The following CCDC88B variants were observed in gnomAD, a reference collection of about 807,000 sequenced individuals.
The protein encoded by CCDC88B is coiled-coil and HOOK domain protein 88B.
CCDC88B carries 138 observed loss-of-function variants against 183.7 expected under a neutral mutation model. The ratio of observed to expected loss-of-function variants is 0.75; its 90% CI spans 0.65 to 0.87. The LOEUF is 0.87. Among genes scored for constraint, CCDC88B ranks in the 40% least tolerant of loss-of-function variants. The pLI is 0.00. For synonymous variants in CCDC88B, 835 were observed against 867.5 expected, an observed-to-expected ratio of 0.96 and a Z score of 0.66; for missense variants, 1,822 against 1,965.6, an observed-to-expected ratio of 0.93 and a Z score of 1.38.
rs748122614 is a variant in CCDC88B at position 64,349,590 on chromosome 11, G to A, written c.2784G>A (p.Gln928=). 4.4e-6 allele frequency: 7 copies of A among 1,601,206 alleles called. No individual in the cohort carries two copies. In the African/African-American group the frequency reaches 5.3e-5, roughly 12 times the overall value. ...GLEQRLEAEL[Q]AAATSKEEAL... ...AGCAGCGGCTGGAAGCTGAGCTGCA[G>A]GCGGCGGCGACCAGCAAGGAGGAGG... The change falls in exon 16 of 27, where the codon CAG becomes CAA. Residue 928 remains glutamine, a synonymous_variant. Coordinates refer to ENST00000356786, the MANE Select transcript of CCDC88B (RefSeq NM_032251.6).
chr11:64,352,623 C>T, intron 19 of CCDC88B, 121 bp from the exon 20 acceptor site: 1 of 1,472,494 alleles, frequency 6.8e-7, no homozygotes, highest in Non-Finnish European at 9.1e-7. Flanking sequence ...CCAATGGCTT[C>T]CTCTGGGGGA....
In CCDC88B at chr11:64,345,089, G is replaced by T; in HGVS notation, c.2548G>T (p.Glu850Ter). The T allele has an allele frequency of 6.4e-7, 1 of 1,551,448 alleles. No individual in the cohort carries two copies. ...EAAEERMQVL[E>*]SEGRQHLEEA... ...CGCCGAGGAACGGATGCAGGTGCTG[G>T]AGAGCGAGGGCCGCCAGCACTTGGA... Residue 850 changes from glutamate (E) to a stop codon, truncating the protein, a stop_gained, in exon 14 of 27, where the codon GAG (glutamate) becomes TAG (stop). Coordinates refer to ENST00000356786, the MANE Select transcript of CCDC88B (RefSeq NM_032251.6). LOFTEE classifies it high-confidence loss of function.
Position 64,351,186 on chromosome 11 carries a change from G to T in CCDC88B, c.2889G>T (p.Gly963=). 3.3e-6 allele frequency: 5 copies of T among 1,509,240 alleles called. No individual in the cohort carries two copies. Among genetic ancestry groups the T allele is most frequent in the Non-Finnish European group, 4.4e-6 (5 of 1,130,830 alleles). 93.5% of individuals were successfully genotyped at this position (1,509,240 alleles called of 1,614,324 possible). ...FQLRQGPAGL[G]PKKRAEPQLV... ...TGCGCCAGGGCCCCGCGGGGCTGGGGCCCAAAAAGCGTGCGGAGCCTCAGC... is the reference window on the plus strand; with the variant it reads ...TGCGCCAGGGCCCCGCGGGGCTGGGTCCCAAAAAGCGTGCGGAGCCTCAGC... Residue 963 remains glycine (G), a synonymous_variant, in exon 17 of 27, where the codon GGG becomes GGT. Transcript: ENST00000356786.
At position 64,343,602 on chromosome 11, in the gene CCDC88B, A is replaced by G; in HGVS notation, c.1305A>G (p.Gly435=). 1 of 1,551,448 alleles carries G rather than the reference A, an allele frequency of 6.4e-7. No individual in the cohort carries two copies. The highest frequency in any genetic ancestry group is 2.4e-5 in the East Asian group (1 of 40,960). Residue 435 remains glycine (G), a synonymous_variant, in exon 12 of 27, where the codon GGA becomes GGG. Transcript: ENST00000356786. ...AGCGGAGCTTGGAGCCACCTCCAGG[A>G]TCCCCTGGGGAGGGTGAGGGACCCC... is the stretch of plus-strand genomic sequence containing the variant. The part of the protein sequence containing the change: ...ELQRSLEPPP[G]SPGEAPLAGA...
At chr11:64,348,755 C>T in intron 14 of CCDC88B, 1 of 497,638 alleles carries the variant, frequency 2.0e-6, no homozygotes, top group Non-Finnish European at 3.6e-6. Flanking sequence ...CCCTCTGGGG[C>T]ACACAGGCCA....
chr11:64,351,343 C>T, intron 17 of CCDC88B, 88 bp downstream of exon 17: 1 of 1,506,414 alleles, frequency 6.6e-7, no homozygotes, highest in Non-Finnish European at 9.0e-7. Flanking sequence ...GGGGGGTATC[C>T]CGTGCAGTGT....
intron 3 of CCDC88B, 41 bp from the exon 4 acceptor site, chr11:64,341,068 T>C: frequency 6.2e-7 from 1 of 1,613,828 alleles, no homozygotes; most frequent in Non-Finnish European, 8.5e-7. Context: ...GAGGAGCCCC[T>C]TCGGGAAGGC....
rs1591274164 is a variant in CCDC88B at position 64,341,614 on chromosome 11, G to T, written c.547G>T (p.Ala183Ser). Reference protein sequence around the residue: ...AAIQEVTQPGAGVVLALSGPD... With the variant: ...AAIQEVTQPGSGVVLALSGPD... ...TGCGCCCCAGGTGACCCAGCCGGGG[G>T]CCGGCGTGGTGCTGGCACTGTCTGG... The change falls in exon 7 of 27, where the codon GCC (alanine) becomes TCC (serine). Residue 183 changes from alanine to serine, a missense_variant. Physicochemically the swap from Ala to Ser is moderately conservative, Grantham distance 99 (BLOSUM62 1). Transcript: ENST00000356786. The T allele has an allele frequency of 1.9e-6, 3 of 1,600,778 alleles. No individual in the cohort carries two copies. In the South Asian group the frequency reaches 3.4e-5, roughly 18 times the overall value.
chr11:64,349,915 C>T (rs1276890898), intron 16 of CCDC88B: 13 of 559,884 alleles, frequency 2.3e-5, no homozygotes, highest in East Asian at 1.5e-4. Flanking sequence ...ATGACTGCTC[C>T]GCCTGTCTCA....
At position 64,351,608 on chromosome 11, in the gene CCDC88B, C is replaced by T. The variant is rs1408292783; in HGVS notation, c.3091C>T (p.Arg1031Cys). 4.2e-5 allele frequency: 66 copies of T among 1,562,926 alleles called. No individual in the cohort carries two copies. The highest frequency in any genetic ancestry group is 5.2e-5 in the Non-Finnish European group (60 of 1,162,336). Residue 1031 changes from arginine (R) to cysteine (C), a missense_variant, in exon 18 of 27, where the codon CGC becomes TGC. Coordinates refer to ENST00000356786, the MANE Select transcript of CCDC88B (RefSeq NM_032251.6). ...QSQRAQEHSS[R>C]LQAEKSVLEI... ...CCAGCGGGCGCAGGAGCACAGCAGC[C>T]GCCTGCAGGTGGGTGGTGGCCCGGG...
At chr11:64,353,006 G>T in intron 20 of CCDC88B, 48 bp from the exon 21 acceptor site, 1 of 1,531,124 alleles carries the variant, frequency 6.5e-7, no homozygotes, top group Non-Finnish European at 8.8e-7. Flanking sequence ...CCAGCACTCG[G>T]ACTGGGGACC....
intron 14 of CCDC88B, among the ~76,000 whole-genome samples, chr11:64,347,417 T>C (rs1184591099): frequency 6.6e-6 from 1 of 152,262 alleles, no homozygotes; most frequent in African/African-American, 2.4e-5. Context: ...TGAGTCATCC[T>C]GCACAGGCAG....
chr11:64,341,208 C>G, intron 4 of CCDC88B, 30 bp downstream of exon 4: 1 of 1,614,104 alleles, frequency 6.2e-7, no homozygotes, highest in Non-Finnish European at 8.5e-7. Context: ...CCTCCTGCCT[C>G]TGCCCCCGCA....
intron 2 of CCDC88B, 27 bp downstream of exon 2, chr11:64,340,779 G>T: frequency 6.3e-7 from 1 of 1,588,032 alleles, no homozygotes. Context: ...CGGGGCGGTG[G>T]CGGGGAAGGA....
Position 64,344,138 on chromosome 11 carries a change from G to A in CCDC88B, c.1597G>A (p.Ala533Thr). The change falls in exon 14 of 27, where the codon GCT becomes ACT. Residue 533 changes from alanine to threonine, a missense_variant. Ala to Thr is a moderately conservative substitution (Grantham distance 58). Coordinates refer to ENST00000356786, the MANE Select transcript of CCDC88B (RefSeq NM_032251.6). This position sits in a 1 kb window ranked among gnomAD's most constrained non-coding sequence, Gnocchi z 4.5. ...TGGAGGCCCCCAGGCCTTGGACTTG[G>A]CTCCCCCGGCATTAGACTCAGTGCT... Reference protein sequence around the residue: ...RDGGPQALDLAPPALDSVLEA... With the variant: ...RDGGPQALDLTPPALDSVLEA... The A allele has an allele frequency of 6.2e-7, 1 of 1,613,192 alleles. No individual in the cohort carries two copies. Among genetic ancestry groups the A allele is most frequent in the South Asian group, 1.1e-5 (1 of 91,040 alleles).
chr11:64,343,798 C>A lies in CCDC88B; in HGVS notation c.1339C>A (p.Pro447Thr), dbSNP rs1000383749. 1.3e-6 allele frequency: 2 copies of A among 1,582,394 alleles called. No individual in the cohort carries two copies. The highest frequency in any genetic ancestry group is 1.7e-6 in the Non-Finnish European group (2 of 1,164,278). ...CTCAGCACCCCTAGCAGGAGCGGCC[C>A]CCTCGCTGCAAGATGAGGTGAGGGA... is the stretch of plus-strand genomic sequence containing the variant. Reference protein sequence around the residue: ...PGEAPLAGAAPSLQDEVREAE... With the variant: ...PGEAPLAGAATSLQDEVREAE... The change falls in exon 13 of 27, where the codon CCC becomes ACC. Residue 447 changes from proline (P) to threonine (T), a missense_variant. Physicochemically the swap from Pro to Thr is conservative, Grantham distance 38 (BLOSUM62 -1). Coordinates refer to ENST00000356786, the MANE Select transcript of CCDC88B (RefSeq NM_032251.6).
intron 14 of CCDC88B, among the ~76,000 whole-genome samples, chr11:64,346,775 A>G (rs918462967): frequency 8.7e-5 from 13 of 149,476 alleles, no homozygotes; most frequent in Middle Eastern, 3.5e-3. Context: ...GGGTTTCATC[A>G]TGTTGGCCTG....
chr11:64,349,887 A>T, intron 16 of CCDC88B: 1 of 593,566 alleles, frequency 1.7e-6, no homozygotes, highest in Non-Finnish European at 3.0e-6. Context: ...CTGCACATGG[A>T]CAGAACTTCT....
chr11:64,340,402 G>A, intron 1 of CCDC88B, 76 bp downstream of exon 1: 3 of 1,285,022 alleles, frequency 2.3e-6, no homozygotes, highest in Non-Finnish European at 3.0e-6. Flanking sequence ...GCTGGCCGGG[G>A]GAGGGTGAGG....
Sources: gnomAD v4.1 joint callset for allele counts (sites outside exome capture counted in the v4.1 genomes callset) on GRCh38, gnomAD v4.1.1 for gene constraint, Gnocchi (gnomAD v3.1) non-coding constraint, MANE v1.5 for transcripts, NCBI Gene and HGNC (gene_info 2026-07-23, HGNC 2026-07-21) for gene names.